The following AGL variants were observed in gnomAD, a reference collection of about 807,000 sequenced individuals.
AGL encodes glycogen debranching enzyme.
In AGL, 128 loss-of-function variants were observed where a neutral mutation model predicts 199.3. That is an observed-to-expected ratio of 0.64 (90% CI 0.56 to 0.74). The LOEUF is 0.74. AGL is among the 30% of genes least tolerant of loss of function. AGL has a pLI of 0.00. For synonymous variants in AGL, 584 were observed against 594.7 expected, an observed-to-expected ratio of 0.98 and a Z score of 0.26; for missense variants, 1,809 against 1,820.8, an observed-to-expected ratio of 0.99 and a Z score of 0.12.
chr1:99,872,602 C>T (rs914842186), intron 7 of AGL, among the ~76,000 whole-genome samples: 6 of 151,192 alleles, frequency 4.0e-5, no homozygotes, highest in Non-Finnish European at 8.8e-5. Context: ...GATCTTGGCT[C>T]ACTGCAACCT....
chr1:99,868,104 C>T (rs1650685695), intron 5 of AGL, among the ~76,000 whole-genome samples: 2 of 152,038 alleles, frequency 1.3e-5, no homozygotes, highest in Admixed American at 6.6e-5. Context: ...TTGCTAGGGA[C>T]AGTGTTTGTT....
At position 99,862,297 on chromosome 1, in the gene AGL, A is replaced by G. The variant is rs147024351; in HGVS notation, c.334A>G (p.Ile112Val). 1,603 of 1,613,966 alleles carry G rather than the reference A, an allele frequency of 9.9e-4. 7 individuals carry two copies. Among genetic ancestry groups the G allele is most frequent in the Non-Finnish European group, 1.2e-3 (1,460 of 1,179,990 alleles). The change falls in exon 4 of 34, where the codon ATT becomes GTT. Residue 112 changes from isoleucine to valine, a missense_variant. Coordinates refer to ENST00000361915, the MANE Select transcript of AGL (RefSeq NM_000642.3). The part of the protein sequence containing the change: ...SGGGYIVVDP[I>V]LRVGADNHVL... ...TGGAGGTTACATAGTTGTGGACCCC[A>G]TTTTACGTGTTGGTGCTGATAATCA... is the stretch of plus-strand genomic sequence containing the variant.
chr1:99,911,597 C>T (rs927626505), intron 28 of AGL, among the ~76,000 whole-genome samples: 4 of 152,138 alleles, frequency 2.6e-5, no homozygotes, highest in African/African-American at 7.2e-5. Flanking sequence ...GCGCACACTA[C>T]CAGACAGGCT....
chr1:99,871,278 G>T (rs1402763695), intron 7 of AGL, among the ~76,000 whole-genome samples: 1 of 152,092 alleles, frequency 6.6e-6, no homozygotes. Context: ...ACGTAGAGGG[G>T]CTCCCAGCTG....
intron 27 of AGL, among the ~76,000 whole-genome samples, chr1:99,905,918 G>C (rs1020721719): frequency 1.6e-4 from 24 of 151,272 alleles, no homozygotes; most frequent in Non-Finnish European, 3.5e-4. Context: ...TTGGAGTGCT[G>C]TTTTTTGTTT....
intron 27 of AGL, among the ~76,000 whole-genome samples, chr1:99,904,857 T>C (rs1385463695): frequency 6.6e-6 from 1 of 151,966 alleles, no homozygotes; most frequent in African/African-American, 2.4e-5. Context: ...ATTTAACCAT[T>C]CATCCAAACC....
intron 25 of AGL, among the ~76,000 whole-genome samples, chr1:99,900,241 C>T (rs2769699): frequency 0.64 from 97,727 of 152,040 alleles, 31,582 homozygotes; most frequent in Admixed American, 0.68. Flanking sequence ...GTTTGTTTTC[C>T]TATATGTTTG....
chr1:99,894,042 G>T (rs1000360805), intron 24 of AGL, among the ~76,000 whole-genome samples: 2 of 151,904 alleles, frequency 1.3e-5, no homozygotes, highest in Admixed American at 6.6e-5. Context: ...TTAAAAATTA[G>T]CCAGGCATGG....
chr1:99,877,493 C>T, intron 11 of AGL, 148 bp from the exon 12 acceptor site: 1 of 681,826 alleles, frequency 1.5e-6, no homozygotes, highest in Non-Finnish European at 2.5e-6. Context: ...TTTTTTAAAA[C>T]ATTATCTCAT....
chr1:99,860,189 T>G (rs985789177), intron 2 of AGL, among the ~76,000 whole-genome samples: 4 of 152,060 alleles, frequency 2.6e-5, no homozygotes, highest in African/African-American at 9.6e-5. Context: ...AATCTTTTGT[T>G]CACAGAAAAT....
intron 15 of AGL, 42 bp from the exon 16 acceptor site, chr1:99,881,250 T>C: frequency 1.2e-6 from 2 of 1,613,898 alleles, no homozygotes; most frequent in South Asian, 2.2e-5. Flanking sequence ...AAAAATTCAT[T>C]GTAATTAAGA....
chr1:99,859,753 G>A (rs1649883615), intron 2 of AGL, among the ~76,000 whole-genome samples: 1 of 152,116 alleles, frequency 6.6e-6, no homozygotes, highest in Non-Finnish European at 1.5e-5. Flanking sequence ...TGTTGGTCAG[G>A]CTGGTCTCAA....
chr1:99,880,101 T>G (rs1651890277), intron 13 of AGL, 55 bp downstream of exon 13: 1 of 1,608,206 alleles, frequency 6.2e-7, no homozygotes, highest in South Asian at 1.1e-5. Context: ...TTTAAGTAGA[T>G]TAAAGGATTT....
At chr1:99,857,358 T>A (rs1264626554) in intron 2 of AGL, among the ~76,000 whole-genome samples, 4 of 149,408 alleles carry the variant, frequency 2.7e-5, no homozygotes, top group Non-Finnish European at 5.9e-5. Context: ...GCTCCTCACA[T>A]CCCAGACGAA....
chr1:99,904,719 A>G (rs1288195600), intron 27 of AGL, among the ~76,000 whole-genome samples: 3 of 151,820 alleles, frequency 2.0e-5, no homozygotes, highest in Non-Finnish European at 2.9e-5. Flanking sequence ...TGTTCTATAT[A>G]ACCTTCTGAG....
At chr1:99,897,452 A>G (rs1478814301) in intron 25 of AGL, among the ~76,000 whole-genome samples, 2 of 152,246 alleles carry the variant, frequency 1.3e-5, no homozygotes, top group South Asian at 2.1e-4. Flanking sequence ...TTTTGATGCC[A>G]TCAGGAAAAT....
rs944019424 is a variant in AGL at position 99,859,219 on chromosome 1, CTAAG to C, written c.83-2281_83-2278del. On this transcript the variant is annotated intron_variant, in intron 2 of 33. Transcript: ENST00000361915. ...TGTAAATGTTTATGCTTCTCAGTCA[CTAAG>C]TATTTTACTTCATGTTTTAATTCTT... Among the ~76,000 whole-genome samples the C allele has an allele frequency of 4.1e-4, 63 of 152,136 alleles. 2 individuals carry two copies. Among genetic ancestry groups the C allele is most frequent in the South Asian group, 2.1e-4 (1 of 4,820 alleles).
chr1:99,919,632 A>G (rs1464879578), intron 33 of AGL, among the ~76,000 whole-genome samples: 1 of 152,220 alleles, frequency 6.6e-6, no homozygotes, highest in African/African-American at 2.4e-5. Context: ...TATCCTGTCT[A>G]TGTGTGTTGA....
rs1044839130 is a variant in AGL, at chr1:99,878,661, T to C, written c.1611+833T>C. On this transcript the variant is annotated intron_variant, in intron 12 of 33. Transcript: ENST00000361915. Reference sequence around the variant, plus strand: ...TTTTTGATACCTTACTAGTGACCAGTGTCACTTAGGTGTTCTTTGGAAATG... The same window carrying C: ...TTTTTGATACCTTACTAGTGACCAGCGTCACTTAGGTGTTCTTTGGAAATG... 9.2e-5 allele frequency among the ~76,000 whole-genome samples: 14 copies of C among 152,230 alleles called. No homozygotes were observed. The East Asian group carries it at 2.3e-3, about 25-fold the overall frequency.
Sources: gnomAD v4.1 joint callset for allele counts (sites outside exome capture counted in the v4.1 genomes callset) on GRCh38, gnomAD v4.1.1 for gene constraint, MANE v1.5 for transcripts, NCBI Gene and HGNC (gene_info 2026-07-23, HGNC 2026-07-21) for gene names.